Variants in TG observed in about 807,000 individuals in gnomAD.
TG encodes the protein thyroid hormones.
In TG, 270 loss-of-function variants were observed where a neutral mutation model predicts 324.7. The ratio of observed to expected loss-of-function variants is 0.83; its 90% CI spans 0.75 to 0.92. TG has a LOEUF of 0.92. Ranked by LOEUF, TG falls within the 40% of genes least tolerant of loss-of-function variation. TG has a pLI of 0.00. For missense variants in TG, 3,591 were observed against 3,456.4 expected (o/e 1.04, Z -0.98); for synonymous variants, 1,401 against 1,327.0 (o/e 1.06, Z -1.21).
At chr8:132,954,403 C>A (rs1472491326) in intron 27 of TG, among the ~76,000 whole-genome samples, 1 of 152,118 alleles carries the variant, frequency 6.6e-6, no homozygotes, top group East Asian at 1.9e-4. Context: ...ATAGGAAGGA[C>A]AAGGAATATG....
intron 43 of TG, among the ~76,000 whole-genome samples, chr8:133,098,114 C>A (rs1848708339): frequency 6.6e-6 from 1 of 152,156 alleles, no homozygotes; most frequent in South Asian, 2.1e-4. Flanking sequence ...CCCTGAGGGG[C>A]TGAGATTTTA....
chr8:133,030,149 G>A (rs1049936564), intron 41 of TG, 126 bp downstream of exon 41: 12 of 1,210,488 alleles, frequency 9.9e-6, no homozygotes, highest in Admixed American at 1.8e-5. Flanking sequence ...TCCTGAGTGT[G>A]GATGCTGCTT....
intron 25 of TG, among the ~76,000 whole-genome samples, chr8:132,939,540 CTGAG>C (rs1563979987): frequency 1.3e-5 from 2 of 152,118 alleles, no homozygotes; most frequent in Non-Finnish European, 2.9e-5. Flanking sequence ...GCAGAAGGGG[CTGAG>C]TGAGCCAATG....
At chr8:132,957,410 A>G (rs908412309) in intron 27 of TG, among the ~76,000 whole-genome samples, 4 of 152,166 alleles carry the variant, frequency 2.6e-5, no homozygotes, top group African/African-American at 9.7e-5. Flanking sequence ...ATCACAGTTC[A>G]GTACATTCTG....
At chr8:133,105,444 G>C (rs1849720784) in intron 43 of TG, among the ~76,000 whole-genome samples, 1 of 152,124 alleles carries the variant, frequency 6.6e-6, no homozygotes, top group Non-Finnish European at 1.5e-5. Flanking sequence ...GAGCAATCAG[G>C]AAATACCTGT....
intron 35 of TG, among the ~76,000 whole-genome samples, chr8:133,007,294 T>A (rs73359328): frequency 3.3e-5 from 5 of 152,024 alleles, no homozygotes; most frequent in Non-Finnish European, 5.9e-5. Context: ...AGAGTTGACT[T>A]TGTAAGTTTT....
At chr8:132,914,344 G>C (rs951878725) in intron 20 of TG, among the ~76,000 whole-genome samples, 9 of 152,328 alleles carry the variant, frequency 5.9e-5, no homozygotes, top group African/African-American at 2.2e-4. Flanking sequence ...TAAAGAAAGA[G>C]AAGATGTTTC....
At chr8:133,060,132 G>T (rs768563090) in intron 41 of TG, 1 of 1,610,574 alleles carries the variant, frequency 6.2e-7, no homozygotes, top group Non-Finnish European at 8.5e-7. Context: ...CTCGGCAGGC[G>T]CAGGGGTGGA....
chr8:133,024,610 T>C (rs1835904634), intron 40 of TG, among the ~76,000 whole-genome samples: 1 of 151,408 alleles, frequency 6.6e-6, no homozygotes, highest in Non-Finnish European at 1.5e-5. Context: ...CCTCCCTGTG[T>C]CCATGTATTC....
At chr8:132,981,042 C>T (rs942280055) in intron 34 of TG, among the ~76,000 whole-genome samples, 4 of 152,074 alleles carry the variant, frequency 2.6e-5, no homozygotes, top group African/African-American at 4.8e-5. Flanking sequence ...ATAGATTCTA[C>T]GTAAATTGCT....
At chr8:132,919,637 C>T in intron 21 of TG, 112 bp downstream of exon 21, 1 of 1,470,194 alleles carries the variant, frequency 6.8e-7, no homozygotes, top group South Asian at 1.1e-5. Context: ...ATTCTTTGTG[C>T]AGGGTTGGCC....
At position 133,022,170 on chromosome 8, in the gene TG, G is replaced by A. The variant is rs1835625046; in HGVS notation, c.7036+20G>A. 1.9e-6 allele frequency: 3 copies of A among 1,613,570 alleles called. No homozygotes were observed. The highest frequency in any genetic ancestry group is 1.3e-5 in the African/African-American group (1 of 74,880). On this transcript the variant is annotated intron_variant, in intron 40 of 47. Coordinates refer to ENST00000220616, the MANE Select transcript of TG (RefSeq NM_003235.5). ...GTTCTGGTGAGTTGCTGCCTCTGGT[G>A]GGAGCTGCTGACCCCCTGAGCCAAG...
intron 25 of TG, among the ~76,000 whole-genome samples, chr8:132,940,713 A>C (rs1216636585): frequency 6.6e-6 from 1 of 152,238 alleles, no homozygotes. Context: ...GGGTGGGGCC[A>C]GTTTCAGGCA....
chr8:133,081,098 C>T (rs1845674812), intron 41 of TG, among the ~76,000 whole-genome samples: 1 of 152,238 alleles, frequency 6.6e-6, no homozygotes, highest in Non-Finnish European at 1.5e-5. Context: ...TCATGAGGGT[C>T]CATACATAAT....
chr8:133,074,296 C>T (rs1010983815), intron 41 of TG, among the ~76,000 whole-genome samples: 11 of 152,142 alleles, frequency 7.2e-5, no homozygotes, highest in South Asian at 2.1e-4. Context: ...CTCCAAGTAG[C>T]GCTATTGCAA....
At chr8:133,034,311 A>T (rs1425538256) in intron 41 of TG, among the ~76,000 whole-genome samples, 1 of 152,176 alleles carries the variant, frequency 6.6e-6, no homozygotes, top group African/African-American at 2.4e-5. Flanking sequence ...CTTTTTGTAC[A>T]GTTTTGAACA....
intron 24 of TG, among the ~76,000 whole-genome samples, chr8:132,935,378 A>T (rs989920169): frequency 6.6e-6 from 1 of 151,914 alleles, no homozygotes; most frequent in Non-Finnish European, 1.5e-5. Context: ...TCTAGACCCC[A>T]AATGATCCAC....
chr8:133,106,304 A>C, intron 43 of TG: 10 of 610,790 alleles, frequency 1.6e-5, no homozygotes, highest in South Asian at 7.2e-5. Context: ...GCCAGGGGGA[A>C]GCAGCGCTGA....
intron 14 of TG, among the ~76,000 whole-genome samples, chr8:132,899,534 G>A (rs1817620427): frequency 2.0e-5 from 3 of 152,236 alleles, no homozygotes; most frequent in Admixed American, 2.0e-4. Flanking sequence ...CAGCAGTGTT[G>A]AAACTCATGA....
Sources: allele counts gnomAD v4.1 joint callset (sites outside exome capture counted in the v4.1 genomes callset), GRCh38; gene constraint gnomAD v4.1.1; transcripts MANE v1.5; gene names NCBI Gene and HGNC (gene_info 2026-07-23, HGNC 2026-07-21).